The following HECW1 variants were observed in gnomAD, a reference collection of about 807,000 sequenced individuals.
HECW1 encodes HECT, C2 and WW domain containing E3 ubiquitin protein ligase 1.
HECW1 carries 61 observed loss-of-function variants against 182.3 expected under a neutral mutation model. That is an observed-to-expected ratio of 0.33 (90% CI 0.27 to 0.41). The LOEUF (loss-of-function observed/expected upper bound fraction) is 0.41, where lower values mean the gene tolerates loss of function less well. Among genes scored for constraint, HECW1 ranks in the 10% least tolerant of loss-of-function variants. The pLI is 1.00. For synonymous variants in HECW1, 859 were observed against 832.6 expected (o/e 1.03, Z -0.55); for missense variants, 1,739 against 2,108.9 (o/e 0.82, Z 3.44).
chr7:43,364,012 T>G (rs1455346885), intron 6 of HECW1, among the ~76,000 whole-genome samples: 1 of 152,194 alleles, frequency 6.6e-6, no homozygotes, highest in Non-Finnish European at 1.5e-5. Flanking sequence ...CCTCTATCAA[T>G]TTGTTGATAA....
intron 3 of HECW1, among the ~76,000 whole-genome samples, chr7:43,264,226 A>C (rs1160103971): frequency 1.3e-5 from 2 of 152,054 alleles, no homozygotes; most frequent in African/African-American, 4.8e-5. Context: ...CTTTTGACCA[A>C]CATCTCCCCA....
chr7:43,228,223 C>A (rs898475330), intron 2 of HECW1, among the ~76,000 whole-genome samples: 1 of 151,994 alleles, frequency 6.6e-6, no homozygotes, highest in Non-Finnish European at 1.5e-5. Context: ...CAGTGGCTCA[C>A]GCCTGTAATC....
At chr7:43,424,636 A>AAAT (rs1562960819) in intron 8 of HECW1, among the ~76,000 whole-genome samples, 22 of 152,176 alleles carry the variant, frequency 1.4e-4, no homozygotes, top group Admixed American at 9.8e-4. Context: ...AATAAATAAA[A>AAAT]AAATAAATAA....
chr7:43,165,778 G>T (rs989098504), intron 2 of HECW1, among the ~76,000 whole-genome samples: 6 of 152,120 alleles, frequency 3.9e-5, no homozygotes, highest in African/African-American at 1.4e-4. Context: ...AAGTTGAGAT[G>T]CTGTGTCTCC....
intron 2 of HECW1, among the ~76,000 whole-genome samples, chr7:43,179,405 A>G (rs1457259631): frequency 6.6e-6 from 1 of 152,248 alleles, no homozygotes; most frequent in East Asian, 1.9e-4. Flanking sequence ...GCCATGCTTC[A>G]GTAGAAGTTC....
At chr7:43,180,986 T>C (rs1318184329) in intron 2 of HECW1, among the ~76,000 whole-genome samples, 1 of 152,110 alleles carries the variant, frequency 6.6e-6, no homozygotes, top group Non-Finnish European at 1.5e-5. Context: ...GGCCGACCTC[T>C]CCTCATTCCT....
At chr7:43,424,904 A>G in intron 8 of HECW1, among the ~76,000 whole-genome samples, 1 of 152,162 alleles carries the variant, frequency 6.6e-6, no homozygotes, top group East Asian at 1.9e-4. Context: ...TATCTTGTAA[A>G]AGCTTATGAC....
At chr7:43,388,831 C>T (rs1263361860) in intron 6 of HECW1, among the ~76,000 whole-genome samples, 2 of 152,186 alleles carry the variant, frequency 1.3e-5, no homozygotes, top group Admixed American at 6.5e-5. Flanking sequence ...GTTTGCCATG[C>T]AGCCCACTGC....
At chr7:43,497,537 A>C (rs1410280452) in intron 19 of HECW1, among the ~76,000 whole-genome samples, 1 of 152,152 alleles carries the variant, frequency 6.6e-6, no homozygotes, top group Non-Finnish European at 1.5e-5. Flanking sequence ...GGTCGTTAAA[A>C]ACACAGATGC....
chr7:43,298,360 G>A (rs1056268143), intron 3 of HECW1, among the ~76,000 whole-genome samples: 2 of 152,244 alleles, frequency 1.3e-5, no homozygotes, highest in Non-Finnish European at 2.9e-5. Flanking sequence ...GGTTTGGCAT[G>A]TGCATTTGTT....
At chr7:43,231,087 C>T (rs142532723) in intron 2 of HECW1, among the ~76,000 whole-genome samples, 163 of 152,316 alleles carry the variant, frequency 1.1e-3, no homozygotes, top group African/African-American at 3.8e-3. Flanking sequence ...AATCTGTTGA[C>T]AGCACTATGA....
At chr7:43,537,788 A>T (rs910113585) in intron 24 of HECW1, among the ~76,000 whole-genome samples, 1 of 147,082 alleles carries the variant, frequency 6.8e-6, no homozygotes, top group African/African-American at 2.6e-5. Flanking sequence ...TTGCACAGTT[A>T]TTTTTTTTAA....
At chr7:43,491,219 ATC>A (rs1478003657) in intron 17 of HECW1, among the ~76,000 whole-genome samples, 2 of 152,198 alleles carry the variant, frequency 1.3e-5, no homozygotes, top group Non-Finnish European at 2.9e-5. Flanking sequence ...AAGTATTAGA[ATC>A]CTGGTTATCC....
Position 43,478,192 on chromosome 7 carries a change from A to C in HECW1, c.3100-1418A>C, listed in dbSNP as rs113230750. 2.6e-3 allele frequency among the ~76,000 whole-genome samples: 389 copies of C among 152,274 alleles called. 3 individuals are homozygous for C. Among genetic ancestry groups the C allele is most frequent in the African/African-American group, 8.8e-3 (366 of 41,560 alleles). On this transcript the variant is annotated intron_variant, in intron 16 of 29. Coordinates refer to ENST00000395891, the MANE Select transcript of HECW1 (RefSeq NM_015052.5). Reference sequence around the variant, plus strand: ...AGCACTTTGGGAGGGCGAGGTGGGCAGATCACCTGAGGTCAGGAGCTCGAG... The same window carrying C: ...AGCACTTTGGGAGGGCGAGGTGGGCCGATCACCTGAGGTCAGGAGCTCGAG...
rs1176421257 is a variant in HECW1 at position 43,438,151 on chromosome 7, C to A, written c.944+6C>A. ...CTGGAGAGACACGCCATAGGGTAAA[C>A]CTGTGACTGAGATCTTACTATCACT... On this transcript the variant is annotated splice_donor_region_variant and intron_variant, in intron 9 of 29. Transcript: ENST00000395891. The A allele has an allele frequency of 6.2e-7, 1 of 1,610,900 alleles. No homozygotes were observed. Among genetic ancestry groups the A allele is most frequent in the South Asian group, 1.1e-5 (1 of 90,704 alleles).
Position 43,407,638 on chromosome 7 carries a change from G to T in HECW1, c.708G>T (p.Gly236=), listed in dbSNP as rs202123661. ...DPYLKISIQP[G]KHSIFPALPH... ...ATCTGAAGATTTCCATTCAGCCTGG[G>T]AAACACAGCATCTTCCCCGCCCTCC... The change falls in exon 8 of 30, where the codon GGG becomes GGT. Residue 236 remains glycine, a synonymous_variant. Transcript: ENST00000395891. 6.2e-6 allele frequency: 10 copies of T among 1,613,908 alleles called. No individual in the cohort carries two copies. The highest frequency in any genetic ancestry group is 8.5e-6 in the Non-Finnish European group (10 of 1,179,888).
chr7:43,232,656 T>G (rs1466125714), intron 2 of HECW1, among the ~76,000 whole-genome samples: 1 of 152,062 alleles, frequency 6.6e-6, no homozygotes, highest in African/African-American at 2.4e-5. Flanking sequence ...AGAGGGATGG[T>G]GAAACTCATG....
At chr7:43,275,551 T>A (rs867604018) in intron 3 of HECW1, among the ~76,000 whole-genome samples, 6 of 152,300 alleles carry the variant, frequency 3.9e-5, no homozygotes, top group Middle Eastern at 3.4e-3. Context: ...GAAATGGTAT[T>A]AAGTTTTAGA....
chr7:43,345,826 ACAT>A (rs1286938771), intron 5 of HECW1, among the ~76,000 whole-genome samples: 1 of 134,224 alleles, frequency 7.5e-6, no homozygotes, highest in Non-Finnish European at 1.6e-5. Flanking sequence ...ACACACACAC[ACAT>A]CATATATATA....
Sources: allele counts gnomAD v4.1 joint callset (sites outside exome capture counted in the v4.1 genomes callset), GRCh38; gene constraint gnomAD v4.1.1; transcripts MANE v1.5; gene names NCBI Gene and HGNC (gene_info 2026-07-23, HGNC 2026-07-21).